The following IL17RD variants were observed in gnomAD, a reference collection of about 807,000 sequenced individuals.
The protein encoded by IL17RD is interleukin 17 receptor D.
A neutral mutation model predicts 80.5 loss-of-function variants in IL17RD; 52 were observed. That is an observed-to-expected ratio of 0.65 (90% confidence interval 0.52 to 0.81). The LOEUF (loss-of-function observed/expected upper bound fraction) is 0.81. Ranked by LOEUF, IL17RD falls within the 40% of genes least tolerant of loss-of-function variation. The pLI is 0.00. For synonymous variants in IL17RD, 416 were observed against 391.8 expected, an observed-to-expected ratio of 1.06 and a Z score of -0.73; for missense variants, 1,024 against 955.1, an observed-to-expected ratio of 1.07 and a Z score of -0.95.
chr3:57,141,753 G>A (rs1257773846), intron 1 of IL17RD, among the ~76,000 whole-genome samples: 6 of 152,216 alleles, frequency 3.9e-5, no homozygotes, highest in Non-Finnish European at 7.4e-5. Flanking sequence ...ATCCTAATAA[G>A]ACTGGTATTA....
intron 1 of IL17RD, among the ~76,000 whole-genome samples, chr3:57,135,139 A>AC (rs1707698191): frequency 7.2e-6 from 1 of 139,742 alleles, no homozygotes; most frequent in African/African-American, 2.9e-5. Context: ...ACAAACAAAA[A>AC]ACACACAAAA....
intron 1 of IL17RD, among the ~76,000 whole-genome samples, chr3:57,132,356 AG>A (rs1707628878): frequency 6.6e-6 from 1 of 152,050 alleles, no homozygotes; most frequent in Non-Finnish European, 1.5e-5. Context: ...GCTACTCGGG[AG>A]GCTGAGGCAG....
At chr3:57,115,465 CAA>C (rs2107491697) in intron 2 of IL17RD, among the ~76,000 whole-genome samples, 1 of 152,284 alleles carries the variant, frequency 6.6e-6, no homozygotes, top group Non-Finnish European at 1.5e-5. Flanking sequence ...CCACATTACT[CAA>C]AAAACAGAAG....
rs888355725 is a variant in IL17RD, at chr3:57,144,626, G to A, written c.126+20535C>T. 3.3e-5 allele frequency among the ~76,000 whole-genome samples: 5 copies of A among 152,146 alleles called. No individual in the cohort carries two copies. The South Asian group carries it at 8.3e-4, about 25-fold the overall frequency. ...GGAGGGGAAGGAATTGCTTTTACAG[G>A]GCTCTTCCAGAAATGTTCTTATCAT... On this transcript the variant is annotated intron_variant, in intron 1 of 12. Coordinates refer to ENST00000296318, the MANE Select transcript of IL17RD (RefSeq NM_017563.5).
At chr3:57,152,189 C>G (rs537367994) in intron 1 of IL17RD, among the ~76,000 whole-genome samples, 3 of 152,170 alleles carry the variant, frequency 2.0e-5, no homozygotes, top group African/African-American at 4.8e-5. Context: ...AGCTGCCCCC[C>G]GCCCCCGACC....
intron 1 of IL17RD, among the ~76,000 whole-genome samples, chr3:57,127,193 T>TATAA (rs1259847534): frequency 1.7e-5 from 2 of 118,866 alleles, no homozygotes; most frequent in East Asian, 4.3e-4. Flanking sequence ...TATATATATA[T>TATAA]ATATAAATAT....
At position 57,090,952 on chromosome 3, in the gene IL17RD, G is replaced by A. The variant is rs981577994; in HGVS notation, c.*5441C>T. On this transcript the variant is annotated 3_prime_UTR_variant, in exon 13 of 13. Coordinates refer to ENST00000296318, the MANE Select transcript of IL17RD (RefSeq NM_017563.5). ...GAGAGCAGAACATAAACAAGATCCTGGAGGTGTCTATGGTCCAAGCTGAAT... is the reference window on the plus strand; with the variant it reads ...GAGAGCAGAACATAAACAAGATCCTAGAGGTGTCTATGGTCCAAGCTGAAT... 1 of 152,262 alleles carries A rather than the reference G, an allele frequency of 6.6e-6. No homozygotes were observed. The highest frequency in any genetic ancestry group is 6.5e-5 in the Admixed American group (1 of 15,280). The allele number at this position is 152,262 out of a possible 1,614,324, so 9.4% of individuals were successfully genotyped here. A position where few individuals can be genotyped will look rare whatever the true frequency, so the allele number is the denominator to read the frequency against.
At chr3:57,099,117 T>C (rs138633063) in intron 11 of IL17RD, among the ~76,000 whole-genome samples, 1 of 152,334 alleles carries the variant, frequency 6.6e-6, no homozygotes, top group East Asian at 1.9e-4. Context: ...CTCGACACTC[T>C]CATAGCCTCA....
At chr3:57,127,411 TA>T (rs71711464) in intron 1 of IL17RD, among the ~76,000 whole-genome samples, 1,271 of 80,908 alleles carry the variant, frequency 0.016, 140 homozygotes, top group African/African-American at 0.05. Context: ...TATATATATA[TA>T]TTTTTTTTTT....
intron 1 of IL17RD, among the ~76,000 whole-genome samples, chr3:57,143,210 C>T (rs997231055): frequency 2.0e-5 from 3 of 152,154 alleles, no homozygotes; most frequent in Non-Finnish European, 2.9e-5. Flanking sequence ...TGTTTAACTC[C>T]GCTGTCAGCC....
chr3:57,108,892 C>T lies in IL17RD; in HGVS notation c.550+645G>A, dbSNP rs182311435. On this transcript the variant is annotated intron_variant, in intron 5 of 12. Coordinates refer to ENST00000296318, the MANE Select transcript of IL17RD (RefSeq NM_017563.5). Reference sequence around the variant, plus strand: ...CTCAAACTCGTGGGCTCAAGTGATCCTGCTGCCTCAGCATCCCAAATAGCC... The same window carrying T: ...CTCAAACTCGTGGGCTCAAGTGATCTTGCTGCCTCAGCATCCCAAATAGCC... Among the ~76,000 whole-genome samples the T allele has an allele frequency of 3.5e-4, 53 of 152,166 alleles. 1 individual carries two copies. Among genetic ancestry groups the T allele is most frequent in the African/African-American group, 1.2e-3 (48 of 41,516 alleles).
chr3:57,099,472 C>G (rs1009179676), intron 11 of IL17RD, among the ~76,000 whole-genome samples: 1 of 152,164 alleles, frequency 6.6e-6, no homozygotes, highest in African/African-American at 2.4e-5. Flanking sequence ...GTTATTAATT[C>G]CCAATGGCTA....
upstream of IL17RD, among the ~76,000 whole-genome samples, chr3:57,169,770 A>G (rs1024476989): frequency 2.0e-5 from 3 of 152,178 alleles, no homozygotes; most frequent in Non-Finnish European, 4.4e-5. Flanking sequence ...CTGAGGGTGC[A>G]AGGTTTCCCA....
intron 6 of IL17RD, 36 bp downstream of exon 6, chr3:57,106,074 C>T (rs755192742): frequency 1.2e-6 from 2 of 1,611,432 alleles, no homozygotes; most frequent in African/African-American, 1.3e-5. Context: ...AGTGGCGATA[C>T]TTTGAGACTT....
In IL17RD at chr3:57,114,967, G is replaced by C. The variant is rs922426099; in HGVS notation, c.185-150C>G. The C allele has an allele frequency of 5.1e-6, 3 of 583,606 alleles. No homozygotes were observed. The East Asian group carries it at 9.1e-5, about 18-fold the overall frequency. The allele number at this position is 583,606 out of a possible 1,614,324, so 36.2% of individuals were successfully genotyped here. ...CTCAAAAGCCCAAAATAAGACATGA[G>C]AGGTTGACTACTGCTTGGAAAACTG... On this transcript the variant is annotated intron_variant, in intron 2 of 12. Transcript: ENST00000296318.
intron 11 of IL17RD, 73 bp from the exon 12 acceptor site, chr3:57,098,611 G>C: frequency 1.0e-6 from 1 of 1,001,698 alleles, no homozygotes; most frequent in Non-Finnish European, 1.5e-6. Context: ...TAACAGGAAG[G>C]GAAATGTCAG....
At chr3:57,160,538 G>A (rs1353416649) in intron 1 of IL17RD, among the ~76,000 whole-genome samples, 1 of 151,954 alleles carries the variant, frequency 6.6e-6, no homozygotes, top group Non-Finnish European at 1.5e-5. Context: ...TCTGCCCCAG[G>A]CCAGAGGCAC....
intron 3 of IL17RD, among the ~76,000 whole-genome samples, chr3:57,113,787 C>T (rs1707149893): frequency 6.6e-6 from 1 of 152,132 alleles, no homozygotes; most frequent in African/African-American, 2.4e-5. Flanking sequence ...AAATGATCCT[C>T]CCATCTCGGC....
At position 57,101,317 on chromosome 3, in the gene IL17RD, T is replaced by C. The variant is rs1706824117; in HGVS notation, c.1026A>G (p.Thr342=). The change falls in exon 11 of 13, where the codon ACA becomes ACG. Residue 342 remains threonine, a synonymous_variant. Transcript: ENST00000296318. ...HLDEESSESS[T]YTAALPRERL... ...TCTCTCTTGGGAGTGCTGCAGTGTA[T>C]GTGGAAGACTCAGAGCTCTCTTCAT... is the stretch of plus-strand genomic sequence containing the variant. 1.2e-6 allele frequency: 2 copies of C among 1,612,884 alleles called. No individual in the cohort carries two copies. The highest frequency in any genetic ancestry group is 2.7e-5 in the African/African-American group (2 of 74,912).
Sources: allele counts gnomAD v4.1 joint callset (sites outside exome capture counted in the v4.1 genomes callset), GRCh38; gene constraint gnomAD v4.1.1; transcripts MANE v1.5; gene names NCBI Gene and HGNC (gene_info 2026-07-23, HGNC 2026-07-21).